Variants in FBXW10 observed in about 807,000 individuals in gnomAD.
FBXW10 encodes the protein F-box/WD repeat-containing protein 10.
Under a neutral mutation model 113.1 loss-of-function variants are expected in FBXW10, and 68 were observed. The observed-to-expected ratio is 0.60, with a 90% CI of 0.49 to 0.74. The LOEUF is 0.74. Ranked by LOEUF, FBXW10 falls within the 30% of genes least tolerant of loss-of-function variation. FBXW10 has a pLI of 0.00. For synonymous variants in FBXW10, 289 were observed against 481.6 expected (o/e 0.60, Z 5.24); for missense variants, 753 against 1,284.5 (o/e 0.59, Z 6.32).
chr17:18,744,938 G>C, intron 1 of FBXW10, 189 bp downstream of exon 1: 2 of 1,445,584 alleles, frequency 1.4e-6, no homozygotes, highest in Non-Finnish European at 1.8e-6. Flanking sequence ...AAATGACTGA[G>C]TGTAACTTCC....
chr17:18,768,934 A>ATT (rs59007149), intron 10 of FBXW10, among the ~76,000 whole-genome samples: 30,310 of 114,120 alleles, frequency 0.27, 4,990 homozygotes, highest in Non-Finnish European at 0.29. Flanking sequence ...GAAGTTATTG[A>ATT]TTTTTTTTTT....
At chr17:18,763,266 C>T (rs1184017918) in intron 7 of FBXW10, among the ~76,000 whole-genome samples, 2 of 151,924 alleles carry the variant, frequency 1.3e-5, no homozygotes, top group South Asian at 2.1e-4. Context: ...ACGCCATTCT[C>T]CTGCCTCAGC....
chr17:18,762,981 A>G (rs994088830), intron 7 of FBXW10, among the ~76,000 whole-genome samples: 7 of 149,260 alleles, frequency 4.7e-5, no homozygotes, highest in South Asian at 2.2e-4. Flanking sequence ...GCACTGTGCC[A>G]TCATTCAATG....
intron 5 of FBXW10, among the ~76,000 whole-genome samples, chr17:18,753,608 C>T (rs564260933): frequency 6.6e-6 from 1 of 152,298 alleles, no homozygotes; most frequent in East Asian, 1.9e-4. Flanking sequence ...CGCAGTGGCT[C>T]ATGCCTGTAA....
chr17:18,768,414 G>C, intron 9 of FBXW10, 120 bp from the exon 10 acceptor site: 1 of 1,331,848 alleles, frequency 7.5e-7, no homozygotes, highest in Non-Finnish European at 1.0e-6. Flanking sequence ...GGTACCTACC[G>C]AGTGACTGGC....
chr17:18,764,359 G>A (rs1343549175), intron 7 of FBXW10, among the ~76,000 whole-genome samples: 7 of 151,916 alleles, frequency 4.6e-5, no homozygotes, highest in South Asian at 2.1e-4. Flanking sequence ...ACACCACCAC[G>A]CCCAGCTAAC....
chr17:18,748,633 A>G (rs1442865640), intron 2 of FBXW10, among the ~76,000 whole-genome samples: 1 of 151,912 alleles, frequency 6.6e-6, no homozygotes, highest in Non-Finnish European at 1.5e-5. Flanking sequence ...ATTGATCAAT[A>G]TGGCCCCCAA....
intron 13 of FBXW10, among the ~76,000 whole-genome samples, chr17:18,776,640 T>C (rs560290820): frequency 6.6e-6 from 1 of 152,322 alleles, no homozygotes; most frequent in Admixed American, 6.5e-5. Context: ...AGAAAGATAT[T>C]GCCAAGGTTG....
intron 9 of FBXW10, among the ~76,000 whole-genome samples, 190 bp from the exon 10 acceptor site, chr17:18,768,344 G>A (rs1400945024): frequency 6.6e-6 from 1 of 152,134 alleles, no homozygotes; most frequent in Non-Finnish European, 1.5e-5. Context: ...AGGATTACAG[G>A]CATGAGCCAC....
intron 9 of FBXW10, among the ~76,000 whole-genome samples, chr17:18,767,873 A>G (rs1438161569): frequency 2.0e-5 from 3 of 152,190 alleles, no homozygotes; most frequent in African/African-American, 7.2e-5. Flanking sequence ...TAGTGCTCCA[A>G]GAAGGTAGTG....
At chr17:18,758,208 T>C in intron 6 of FBXW10, 97 bp from the exon 7 acceptor site, 1 of 1,390,322 alleles carries the variant, frequency 7.2e-7, no homozygotes, top group Non-Finnish European at 9.6e-7. Flanking sequence ...GATTTTCCTT[T>C]ACACCACTGC....
intron 13 of FBXW10, among the ~76,000 whole-genome samples, chr17:18,778,002 G>T (rs1330585942): frequency 6.6e-6 from 1 of 151,710 alleles, no homozygotes; most frequent in African/African-American, 2.4e-5. Flanking sequence ...TGTAATCCCA[G>T]CACTTTGGGA....
At chr17:18,748,300 G>T (rs75131337) in intron 2 of FBXW10, among the ~76,000 whole-genome samples, 195 bp downstream of exon 2, 9,562 of 150,816 alleles carry the variant, frequency 0.063, 371 homozygotes, top group South Asian at 0.12. Flanking sequence ...GGCACCTGTA[G>T]TCCCAGCTAC....
At chr17:18,748,733 G>A (rs2035096151) in intron 2 of FBXW10, among the ~76,000 whole-genome samples, 1 of 152,178 alleles carries the variant, frequency 6.6e-6, no homozygotes, top group Non-Finnish European at 1.5e-5. Flanking sequence ...TTCCTTTGGA[G>A]TCTTTCTCTG....
chr17:18,766,067 C>G (rs2035491733), intron 8 of FBXW10, among the ~76,000 whole-genome samples: 1 of 152,148 alleles, frequency 6.6e-6, no homozygotes, highest in African/African-American at 2.4e-5. Context: ...TGCCACCCAC[C>G]CACCCACTCT....
At chr17:18,758,893 C>T (rs2035325411) in intron 7 of FBXW10, among the ~76,000 whole-genome samples, 1 of 151,886 alleles carries the variant, frequency 6.6e-6, no homozygotes. Context: ...CGTGGCCAGG[C>T]GCGGTGGCTC....
In FBXW10 at chr17:18,772,405, G is replaced by A. The variant is rs1246524498; in HGVS notation, c.2007-7G>A. ...TTTTGTGGACAACCCTGTTGTTTCG[G>A]TTCCAGGATGGTGGTCAACACAGAG... is the stretch of plus-strand genomic sequence containing the variant. On this transcript the variant is annotated splice_polypyrimidine_tract_variant and splice_region_variant and intron_variant, in intron 11 of 13. Transcript: ENST00000395665. The A allele has an allele frequency of 1.4e-5, 23 of 1,611,776 alleles. No homozygotes were observed. Among genetic ancestry groups the A allele is most frequent in the Non-Finnish European group, 1.8e-5 (21 of 1,178,888 alleles).
At chr17:18,745,935 GTTTT>G (rs1227995514) in intron 1 of FBXW10, among the ~76,000 whole-genome samples, 1 of 152,216 alleles carries the variant, frequency 6.6e-6, no homozygotes, top group African/African-American at 2.4e-5. Context: ...AAGGAAAAGA[GTTTT>G]ATTTGGCTCA....
At chr17:18,761,457 A>G (rs1215575608) in intron 7 of FBXW10, among the ~76,000 whole-genome samples, 9 of 151,818 alleles carry the variant, frequency 5.9e-5, no homozygotes, top group East Asian at 5.8e-4. Context: ...AGTAGAGACA[A>G]GGTTTCTCTG....
Sources: gnomAD v4.1 joint callset for allele counts (sites outside exome capture counted in the v4.1 genomes callset) on GRCh38, gnomAD v4.1.1 for gene constraint, MANE v1.5 for transcripts, NCBI Gene and HGNC (gene_info 2026-07-23, HGNC 2026-07-21) for gene names.